The following SNTG1 variants were observed in gnomAD, a reference collection of about 807,000 sequenced individuals.
SNTG1 encodes the protein syntrophin gamma 1, also known as gamma-1-syntrophin.
SNTG1 carries 39 observed loss-of-function variants against 74.7 expected under a neutral mutation model. The ratio of observed to expected loss-of-function variants is 0.52; its 90% confidence interval spans 0.40 to 0.68. The LOEUF (loss-of-function observed/expected upper bound fraction) is 0.68. Among genes scored for constraint, SNTG1 ranks in the 30% least tolerant of loss-of-function variants. The pLI, the probability that SNTG1 is intolerant of heterozygous loss-of-function variation, is 0.00. For missense variants in SNTG1, 685 were observed against 609.5 expected (o/e 1.12, Z -1.30); for synonymous variants, 254 against 217.1 (o/e 1.17, Z -1.49).
intron 2 of SNTG1, among the ~76,000 whole-genome samples, chr8:50,229,709 G>A (rs1356000787): frequency 1.3e-5 from 2 of 151,320 alleles, no homozygotes; most frequent in Non-Finnish European, 3.0e-5. Flanking sequence ...TTAGTTGACT[G>A]AATAGCACTG....
At chr8:50,485,474 A>G (rs982372341) in intron 8 of SNTG1, among the ~76,000 whole-genome samples, 1 of 152,104 alleles carries the variant, frequency 6.6e-6, no homozygotes, top group Non-Finnish European at 1.5e-5. Flanking sequence ...ACTTCTTTTG[A>G]GAAGTGTCTG....
At chr8:50,147,635 G>A (rs543788189) in intron 1 of SNTG1, among the ~76,000 whole-genome samples, 1 of 152,286 alleles carries the variant, frequency 6.6e-6, no homozygotes, top group Non-Finnish European at 1.5e-5. Flanking sequence ...AGAGGAATAA[G>A]CCAGGAGGGA....
chr8:50,605,595 C>G (rs1419971074), intron 13 of SNTG1, among the ~76,000 whole-genome samples: 1 of 151,180 alleles, frequency 6.6e-6, no homozygotes, highest in Non-Finnish European at 1.5e-5. Context: ...TCTCTTCACA[C>G]CATGAAGCCA....
intron 2 of SNTG1, among the ~76,000 whole-genome samples, chr8:50,249,541 C>A (rs2129857039): frequency 6.6e-6 from 1 of 152,314 alleles, no homozygotes; most frequent in East Asian, 1.9e-4. Flanking sequence ...CCCACCCCTG[C>A]CCCTTACAGA....
intron 1 of SNTG1, among the ~76,000 whole-genome samples, chr8:50,161,586 G>T (rs1429879500): frequency 6.6e-6 from 1 of 152,138 alleles, no homozygotes; most frequent in Non-Finnish European, 1.5e-5. Context: ...TGCATGTGTT[G>T]TGTGTGGTGT....
chr8:50,276,884 C>T (rs2088143427), intron 2 of SNTG1, among the ~76,000 whole-genome samples: 1 of 152,004 alleles, frequency 6.6e-6, no homozygotes, highest in African/African-American at 2.4e-5. Flanking sequence ...GTTGCCCAGG[C>T]TGGAGTGTAG....
At chr8:50,783,906 C>G (rs562660527) in intron 18 of SNTG1, among the ~76,000 whole-genome samples, 3 of 152,326 alleles carry the variant, frequency 2.0e-5, no homozygotes, top group South Asian at 4.1e-4. Context: ...ATTGGAATTA[C>G]ACATTTTTGT....
rs548505031 is a variant in SNTG1 at position 50,297,420 on chromosome 8, T to G, written c.-27-96792T>G. 1.8e-4 allele frequency among the ~76,000 whole-genome samples: 28 copies of G among 152,070 alleles called. No individual in the cohort carries two copies. In the South Asian group the frequency reaches 4.8e-3, roughly 26 times the overall value. Reference sequence around the variant, plus strand: ...AGATCTTAGCAACCCCAGCACACAATTTTTTTTCTTTTCCTTATTGAGTCA... The same window carrying G: ...AGATCTTAGCAACCCCAGCACACAAGTTTTTTTCTTTTCCTTATTGAGTCA... On this transcript the variant is annotated intron_variant, in intron 2 of 18. Transcript: ENST00000642720.
intron 1 of SNTG1, among the ~76,000 whole-genome samples, chr8:50,134,530 TA>T (rs1351919610): frequency 6.6e-6 from 1 of 152,196 alleles, no homozygotes; most frequent in Non-Finnish European, 1.5e-5. Flanking sequence ...AGCTTTTTTT[TA>T]AATAGAATAT....
chr8:49,991,505 T>C (rs1017532679), intron 1 of SNTG1, among the ~76,000 whole-genome samples: 3 of 152,152 alleles, frequency 2.0e-5, no homozygotes, highest in African/African-American at 4.8e-5. Context: ...TTATTCATAA[T>C]AGCCAGAGGG....
chr8:50,122,640 G>A (rs1413209518), intron 1 of SNTG1, among the ~76,000 whole-genome samples: 1 of 141,974 alleles, frequency 7.0e-6, no homozygotes, highest in African/African-American at 2.5e-5. Context: ...GGAGCAGTGG[G>A]AAGATGGTTG....
chr8:50,330,522 C>T (rs1049912109), intron 2 of SNTG1, among the ~76,000 whole-genome samples: 4 of 152,220 alleles, frequency 2.6e-5, no homozygotes, highest in African/African-American at 9.6e-5. Context: ...ACTGTTTCAA[C>T]CTCTTCCTGT....
At position 50,313,013 on chromosome 8, in the gene SNTG1, C is replaced by T. The variant is rs573415897; in HGVS notation, c.-27-81199C>T. 2.2e-3 allele frequency among the ~76,000 whole-genome samples: 336 copies of T among 149,432 alleles called. 22 individuals carry two copies. Among genetic ancestry groups the T allele is most frequent in the African/African-American group, 8.2e-3 (327 of 40,020 alleles). On this transcript the variant is annotated intron_variant, in intron 2 of 18. Transcript: ENST00000642720. ...AGCAATCTACAGATTCAATACAATCCCCATCAAAATTCCATGGTAATCTTT... is the reference window on the plus strand; with the variant it reads ...AGCAATCTACAGATTCAATACAATCTCCATCAAAATTCCATGGTAATCTTT...
chr8:50,481,738 A>G lies in SNTG1; in HGVS notation c.364-21040A>G, dbSNP rs111982224. ...GGAATAAAGTTATGTACTTCTACTT[A>G]TATCAAGGAATGTTTTGATGATTGG... On this transcript the variant is annotated intron_variant, in intron 8 of 18. Coordinates refer to ENST00000642720, the MANE Select transcript of SNTG1 (RefSeq NM_018967.5). 7.2e-5 allele frequency among the ~76,000 whole-genome samples: 11 copies of G among 152,352 alleles called. 1 individual carries two copies. The highest frequency in any genetic ancestry group is 2.2e-4 in the African/African-American group (9 of 41,590).
chr8:50,127,776 A>G (rs1183635968), intron 1 of SNTG1, among the ~76,000 whole-genome samples: 1 of 152,168 alleles, frequency 6.6e-6, no homozygotes, highest in Non-Finnish European at 1.5e-5. Context: ...AACAATTAGG[A>G]CATATTTCCT....
intron 1 of SNTG1, among the ~76,000 whole-genome samples, chr8:50,041,679 T>A (rs1818654787): frequency 6.6e-6 from 1 of 152,222 alleles, no homozygotes; most frequent in Non-Finnish European, 1.5e-5. Context: ...GGAACCATAT[T>A]TGTGTCCCAG....
chr8:50,049,766 C>G (rs1301795006), intron 1 of SNTG1, among the ~76,000 whole-genome samples: 3 of 151,874 alleles, frequency 2.0e-5, no homozygotes, highest in Admixed American at 2.0e-4. Flanking sequence ...TAATTTTAGA[C>G]CATAGTGGGA....
At chr8:50,654,299 C>G (rs1215853074) in intron 13 of SNTG1, among the ~76,000 whole-genome samples, 1 of 152,092 alleles carries the variant, frequency 6.6e-6, no homozygotes, top group Non-Finnish European at 1.5e-5. Flanking sequence ...AATCATCATT[C>G]TAGACCTTTT....
Position 50,058,947 on chromosome 8 carries a change from A to G in SNTG1, c.-102-113614A>G, listed in dbSNP as rs113975568. 7.2e-5 allele frequency among the ~76,000 whole-genome samples: 11 copies of G among 152,098 alleles called. 1 individual carries two copies. The highest frequency in any genetic ancestry group is 2.4e-4 in the African/African-American group (10 of 41,526). On this transcript the variant is annotated intron_variant, in intron 1 of 18. Coordinates refer to ENST00000642720, the MANE Select transcript of SNTG1 (RefSeq NM_018967.5). ...CCTAGTAAGCAATAAATTGTTCTCC[A>G]TTTTCCAAACTTTGTCATTTCAAGA...
Sources: gnomAD v4.1 joint callset for allele counts (sites outside exome capture counted in the v4.1 genomes callset) on GRCh38, gnomAD v4.1.1 for gene constraint, MANE v1.5 for transcripts, NCBI Gene and HGNC (gene_info 2026-07-23, HGNC 2026-07-21) for gene names.